The following BIRC6 variants were observed in gnomAD, a reference collection of about 807,000 sequenced individuals.
The protein encoded by BIRC6 is dual E2 ubiquitin-conjugating enzyme/E3 ubiquitin-protein ligase BIRC6.
BIRC6 carries 98 observed loss-of-function variants against 503.3 expected under a neutral mutation model. That is an observed-to-expected ratio of 0.19 (90% CI 0.17 to 0.23). The LOEUF is 0.23. Among genes scored for constraint, BIRC6 ranks in the 10% least tolerant of loss-of-function variants. BIRC6 has a pLI of 1.00. For synonymous variants in BIRC6, 2,240 were observed against 2,078.7 expected, an observed-to-expected ratio of 1.08 and a Z score of -2.11; for missense variants, 5,360 against 5,806.0, an observed-to-expected ratio of 0.92 and a Z score of 2.50.
In BIRC6 at chr2:32,543,311, C is replaced by A; in HGVS notation, c.12362C>A (p.Thr4121Asn). 2 of 1,613,948 alleles carry A rather than the reference C, an allele frequency of 1.2e-6. No individual in the cohort carries two copies. The highest frequency in any genetic ancestry group is 1.7e-6 in the Non-Finnish European group (2 of 1,179,874). Reference sequence around the variant, plus strand: ...GATAGCGATCAGTTTGAATGGGTGACCATTGAACAGTCAGGGGAGTTAGTT... The same window carrying A: ...GATAGCGATCAGTTTGAATGGGTGAACATTGAACAGTCAGGGGAGTTAGTT... ...PKDSDQFEWV[T>N]IEQSGELVYE... Residue 4121 changes from threonine to asparagine, a missense_variant, in exon 62 of 74, where the codon ACC becomes AAC. Physicochemically the swap from Thr to Asn is moderately conservative, Grantham distance 65. Transcript: ENST00000421745.
intron 57 of BIRC6, among the ~76,000 whole-genome samples, chr2:32,521,013 A>G (rs553306445): frequency 8.5e-5 from 13 of 152,150 alleles, no homozygotes; most frequent in Non-Finnish European, 1.9e-4. Context: ...CATTCAAAAT[A>G]TTTTACAAAA....
At position 32,613,186 on chromosome 2, in the gene BIRC6, GGTTTGTTT is replaced by G. The variant is rs141023018; in HGVS notation, c.14394+1625_14394+1632del. 9.5e-3 allele frequency among the ~76,000 whole-genome samples: 1,434 copies of G among 150,956 alleles called. 16 individuals are homozygous for G. The highest frequency in any genetic ancestry group is 0.017 in the Middle Eastern group (5 of 292). ...CACTTCATGGAACCCTGCCTTGACT[GGTTTGTTT>G]GTTTGTTTGTTTGTTTGTTTCTGAG... On this transcript the variant is annotated intron_variant, in intron 73 of 73. Coordinates refer to ENST00000421745, the MANE Select transcript of BIRC6 (RefSeq NM_016252.4).
chr2:32,471,928 A>G (rs1039744098), intron 32 of BIRC6, among the ~76,000 whole-genome samples: 3 of 152,170 alleles, frequency 2.0e-5, no homozygotes, highest in African/African-American at 7.2e-5. Flanking sequence ...TATAGTGCAT[A>G]TTATGTTTAG....
At chr2:32,546,054 C>G (rs1423063396) in intron 63 of BIRC6, among the ~76,000 whole-genome samples, 194 bp downstream of exon 63, 1 of 152,062 alleles carries the variant, frequency 6.6e-6, no homozygotes, top group South Asian at 2.1e-4. Context: ...AAAAAGAAAC[C>G]TATCTACTTG....
rs187466626 is a variant in BIRC6 at position 32,541,574 on chromosome 2, A to G, written c.12292-1667A>G. On this transcript the variant is annotated intron_variant, in intron 61 of 73. Coordinates refer to ENST00000421745, the MANE Select transcript of BIRC6 (RefSeq NM_016252.4). ...ACTAAAGTCATACAGGAAGCTTAGG[A>G]ATCATCCTGATGTTTGAAGTGAATA... is the stretch of plus-strand genomic sequence containing the variant. Among the ~76,000 whole-genome samples, 3 of 152,270 alleles carry G rather than the reference A, an allele frequency of 2.0e-5. No homozygotes were observed. The East Asian group carries it at 5.8e-4, about 29-fold the overall frequency.
chr2:32,555,679 T>G (rs1054424183), intron 65 of BIRC6, among the ~76,000 whole-genome samples: 2 of 149,372 alleles, frequency 1.3e-5, no homozygotes, highest in Non-Finnish European at 3.0e-5. Context: ...TTCTACTAAT[T>G]AGAGTAGCAG....
In BIRC6 at chr2:32,482,629, G is replaced by A. The variant is rs989306469; in HGVS notation, c.7696+47G>A. ...AAGACATATGCTATTCTTAAAACAA[G>A]TCTGTCATTTATGTATACTTTGTCC... On this transcript the variant is annotated intron_variant, in intron 39 of 73. Transcript: ENST00000421745. 3 of 1,599,000 alleles carry A rather than the reference G, an allele frequency of 1.9e-6. No homozygotes were observed. In the South Asian group the frequency reaches 3.3e-5, roughly 18 times the overall value.
chr2:32,436,254 A>G, intron 15 of BIRC6, 70 bp downstream of exon 15: 1 of 1,242,324 alleles, frequency 8.0e-7, no homozygotes, highest in African/African-American at 1.5e-5. Context: ...AAAAAAACTG[A>G]TCTCAAAAAA....
At chr2:32,479,368 C>A in intron 36 of BIRC6, 94 bp from the exon 37 acceptor site, 1 of 1,197,540 alleles carries the variant, frequency 8.4e-7, no homozygotes, top group Non-Finnish European at 1.2e-6. Flanking sequence ...AGCATTTATT[C>A]TGTCAGTGAC....
intron 61 of BIRC6, among the ~76,000 whole-genome samples, chr2:32,535,443 T>C (rs1348489029): frequency 6.6e-6 from 1 of 152,174 alleles, no homozygotes; most frequent in Non-Finnish European, 1.5e-5. Context: ...CCTAATGCTA[T>C]CCGTCTCCCC....
At chr2:32,519,134 C>T in intron 57 of BIRC6, 188 bp downstream of exon 57, 1 of 551,366 alleles carries the variant, frequency 1.8e-6, no homozygotes, top group Non-Finnish European at 3.0e-6. Context: ...TACTTTTAGG[C>T]ACCCCTAATT....
At chr2:32,407,502 G>A (rs1221000359) in intron 9 of BIRC6, among the ~76,000 whole-genome samples, 1 of 150,704 alleles carries the variant, frequency 6.6e-6, no homozygotes, top group African/African-American at 2.4e-5. Context: ...AAAGTGTAGT[G>A]CCTGGGAAGT....
In BIRC6 at chr2:32,618,361, C is replaced by T. The variant is rs1358508697; in HGVS notation, c.*457C>T. ...ATGTTTGGCCATATCTTCATGCTCA[C>T]ATTTGATTTCTGAAGACCTCCTACA... is the stretch of plus-strand genomic sequence containing the variant. On this transcript the variant is annotated 3_prime_UTR_variant, in exon 74 of 74. Transcript: ENST00000421745. The T allele has an allele frequency of 1.3e-5, 2 of 152,400 alleles. No homozygotes were observed. Among genetic ancestry groups the T allele is most frequent in the Non-Finnish European group, 2.9e-5 (2 of 68,224 alleles). 9.4% of individuals were successfully genotyped at this position (152,400 alleles called of 1,614,324 possible).
intron 21 of BIRC6, among the ~76,000 whole-genome samples, chr2:32,446,910 T>C (rs766040830): frequency 1.6e-5 from 2 of 124,824 alleles, no homozygotes; most frequent in Non-Finnish European, 3.3e-5. Context: ...CCTTCCGCAG[T>C]GTTTGTGTCC....
Position 32,429,127 on chromosome 2 carries a change from G to A in BIRC6, c.2873-19G>A. 1 of 1,561,944 alleles carries A rather than the reference G, an allele frequency of 6.4e-7. No homozygotes were observed. Among genetic ancestry groups the A allele is most frequent in the Non-Finnish European group, 8.6e-7 (1 of 1,156,232 alleles). On this transcript the variant is annotated intron_variant, in intron 10 of 73. Coordinates refer to ENST00000421745, the MANE Select transcript of BIRC6 (RefSeq NM_016252.4). ...GTTTACCTATTTTTCATGTATCTAT[G>A]AAATTTACTACACTGTAGGTGGTGA... is the stretch of plus-strand genomic sequence containing the variant.
intron 71 of BIRC6, among the ~76,000 whole-genome samples, chr2:32,606,045 G>A (rs1430043976): frequency 2.0e-5 from 3 of 151,894 alleles, no homozygotes; most frequent in Non-Finnish European, 4.4e-5. Flanking sequence ...CATATCCATG[G>A]GACTGTTTAA....
chr2:32,616,053 T>A (rs2063213651), intron 73 of BIRC6, among the ~76,000 whole-genome samples: 1 of 152,194 alleles, frequency 6.6e-6, no homozygotes, highest in African/African-American at 2.4e-5. Flanking sequence ...CATGCCTATA[T>A]CCTTACGTAA....
At chr2:32,512,456 A>C (rs569729786) in intron 53 of BIRC6, among the ~76,000 whole-genome samples, 1 of 152,208 alleles carries the variant, frequency 6.6e-6, no homozygotes, top group African/African-American at 2.4e-5. Context: ...TAAATGACAG[A>C]TACCTGTATT....
chr2:32,446,771 T>TTTTTA (rs1491460454), intron 21 of BIRC6, among the ~76,000 whole-genome samples: 2 of 110,722 alleles, frequency 1.8e-5, no homozygotes, highest in African/African-American at 3.6e-5. Context: ...TTTTTTTTTT[T>TTTTTA]ATTGATCATT....
Sources: gnomAD v4.1 joint callset for allele counts (sites outside exome capture counted in the v4.1 genomes callset) on GRCh38, gnomAD v4.1.1 for gene constraint, MANE v1.5 for transcripts, NCBI Gene and HGNC (gene_info 2026-07-23, HGNC 2026-07-21) for gene names.